The following GRIK2 variants were observed in gnomAD, a reference collection of about 807,000 sequenced individuals.
The protein encoded by GRIK2 is glutamate receptor ionotropic, kainate 2.
Under a neutral mutation model 100.3 loss-of-function variants are expected in GRIK2, and 32 were observed. That is an observed-to-expected ratio of 0.32 (90% CI 0.24 to 0.43). The LOEUF is 0.43. Among genes scored for constraint, GRIK2 ranks in the 20% least tolerant of loss-of-function variants. The probability of loss-of-function intolerance (pLI) is 1.00; values close to 1 mark genes in which losing one functional copy is unlikely to be tolerated. For missense variants in GRIK2, 843 were observed against 1,114.9 expected (o/e 0.76, Z 3.47); for synonymous variants, 417 against 389.4 (o/e 1.07, Z -0.83).
chr6:101,717,306 T>G (rs1295826980), intron 7 of GRIK2, among the ~76,000 whole-genome samples: 4 of 151,196 alleles, frequency 2.6e-5, no homozygotes, highest in Non-Finnish European at 5.9e-5. Context: ...CCTTTCATCT[T>G]TCATTCTTTC....
chr6:101,915,300 A>C (rs531829104), intron 12 of GRIK2, among the ~76,000 whole-genome samples: 1 of 151,574 alleles, frequency 6.6e-6, no homozygotes, highest in African/African-American at 2.4e-5. Flanking sequence ...AGAAATTGCC[A>C]TGCAGGTTAC....
intron 7 of GRIK2, among the ~76,000 whole-genome samples, chr6:101,794,055 C>A (rs555019144): frequency 2.8e-4 from 43 of 152,164 alleles, no homozygotes; most frequent in Non-Finnish European, 5.4e-4. Context: ...TTTCCTAAGC[C>A]CGTCAGAAAA....
At chr6:101,854,675 C>T (rs1419433434) in intron 10 of GRIK2, among the ~76,000 whole-genome samples, 4 of 151,994 alleles carry the variant, frequency 2.6e-5, no homozygotes, top group Non-Finnish European at 4.4e-5. Flanking sequence ...CCCCTAACAA[C>T]TTTAAATGTA....
At chr6:101,690,964 CT>C (rs1458519522) in intron 7 of GRIK2, among the ~76,000 whole-genome samples, 2 of 151,998 alleles carry the variant, frequency 1.3e-5, no homozygotes, top group Non-Finnish European at 2.9e-5. Flanking sequence ...AACTCTAGTG[CT>C]TTAGTTTCTT....
At chr6:101,928,231 T>G in intron 13 of GRIK2, 184 bp from the exon 14 acceptor site, 1 of 594,258 alleles carries the variant, frequency 1.7e-6, no homozygotes, top group East Asian at 2.8e-5. Context: ...CCTAAAAGAT[T>G]GTCTATTTTC....
chr6:101,802,236 G>T, intron 8 of GRIK2, 95 bp from the exon 9 acceptor site: 1 of 444,468 alleles, frequency 2.2e-6, no homozygotes, highest in East Asian at 3.4e-5. Flanking sequence ...AATGTAAACT[G>T]AAAAGTAATG....
chr6:101,660,107 C>T (rs966061206), intron 4 of GRIK2, among the ~76,000 whole-genome samples: 1 of 152,184 alleles, frequency 6.6e-6, no homozygotes, highest in African/African-American at 2.4e-5. Context: ...TTCAGACACA[C>T]TAATCAAACA....
intron 14 of GRIK2, among the ~76,000 whole-genome samples, chr6:101,999,142 G>T (rs918704385): frequency 2.0e-5 from 3 of 151,778 alleles, no homozygotes; most frequent in African/African-American, 7.3e-5. Flanking sequence ...TTGACTGTAG[G>T]TTTGTAATAA....
chr6:101,741,255 A>G (rs1307426434), intron 7 of GRIK2, among the ~76,000 whole-genome samples: 3 of 152,158 alleles, frequency 2.0e-5, no homozygotes, highest in African/African-American at 7.2e-5. Context: ...AGAACTACCA[A>G]ATATTCAATA....
chr6:101,883,636 A>T (rs1786418225), intron 11 of GRIK2, among the ~76,000 whole-genome samples: 1 of 152,130 alleles, frequency 6.6e-6, no homozygotes, highest in African/African-American at 2.4e-5. Flanking sequence ...TGTGATAACC[A>T]CTATGCTCTG....
At chr6:101,990,545 T>C (rs1794296501) in intron 14 of GRIK2, among the ~76,000 whole-genome samples, 1 of 151,646 alleles carries the variant, frequency 6.6e-6, no homozygotes, top group Non-Finnish European at 1.5e-5. Flanking sequence ...GGGCAGGAAA[T>C]GAAAACTTAG....
chr6:101,459,636 G>A (rs1771191004), intron 2 of GRIK2, among the ~76,000 whole-genome samples: 1 of 152,050 alleles, frequency 6.6e-6, no homozygotes, highest in Admixed American at 6.6e-5. Flanking sequence ...GGAAGTTCTA[G>A]GTTAACATTT....
Position 101,785,162 on chromosome 6 carries a change from T to A in GRIK2, c.952-14486T>A, listed in dbSNP as rs552080528. Among the ~76,000 whole-genome samples the A allele has an allele frequency of 3.2e-4, 48 of 152,248 alleles. 2 individuals carry two copies. The highest frequency in any genetic ancestry group is 3.4e-3 in the Middle Eastern group (1 of 294). On this transcript the variant is annotated intron_variant, in intron 7 of 16. Coordinates refer to ENST00000369134, the MANE Select transcript of GRIK2 (RefSeq NM_021956.5). Reference sequence around the variant, plus strand: ...AATGGGATTTTTTATTTATTTATTTTTTTTACTGTTGAGTTGTTTGAGCTT... The same window carrying A: ...AATGGGATTTTTTATTTATTTATTTATTTTACTGTTGAGTTGTTTGAGCTT...
chr6:101,721,377 A>G (rs1179024637), intron 7 of GRIK2, among the ~76,000 whole-genome samples: 2 of 151,944 alleles, frequency 1.3e-5, no homozygotes, highest in Non-Finnish European at 2.9e-5. Flanking sequence ...CAACATAGAG[A>G]GACTCTGTTC....
intron 16 of GRIK2, among the ~76,000 whole-genome samples, chr6:102,060,172 T>C (rs2782894): frequency 0.3 from 44,728 of 150,424 alleles, 6,739 homozygotes; most frequent in East Asian, 0.35. Flanking sequence ...TAGCTGTTTC[T>C]ATTATAGAAC....
At position 101,682,599 on chromosome 6, in the gene GRIK2, C is replaced by T. The variant is rs775132670; in HGVS notation, c.770C>T (p.Thr257Ile). Residue 257 changes from threonine (T) to isoleucine (I), a missense_variant, in exon 6 of 17, where the codon ACC becomes ATC. Transcript: ENST00000369134. ...ACAGAATACTATCATTATATCTTTA[C>T]CACTCTGGTAAGTACTTCATTAAAA... ...MMTEYYHYIF[T>I]TLDLFALDVE... is the part of the protein sequence containing the mutation. The T allele has an allele frequency of 1.6e-6, 2 of 1,277,172 alleles. No individual in the cohort carries two copies. Among genetic ancestry groups the T allele is most frequent in the South Asian group, 2.5e-5 (2 of 79,802 alleles). 79.1% of individuals were successfully genotyped at this position (1,277,172 alleles called of 1,614,324 possible). A position where few individuals can be genotyped will look rare whatever the true frequency, so the allele number is the denominator to read the frequency against.
At chr6:101,703,878 G>C (rs1164407951) in intron 7 of GRIK2, among the ~76,000 whole-genome samples, 1 of 151,564 alleles carries the variant, frequency 6.6e-6, no homozygotes, top group African/African-American at 2.4e-5. Context: ...ATGCAGGTGG[G>C]TGGATGAATT....
In GRIK2 at chr6:101,761,513, T is replaced by A. The variant is rs572297262; in HGVS notation, c.952-38135T>A. 7.2e-4 allele frequency among the ~76,000 whole-genome samples: 109 copies of A among 152,284 alleles called. 1 individual carries two copies. Among genetic ancestry groups the A allele is most frequent in the African/African-American group, 2.4e-3 (101 of 41,568 alleles). ...CATGATAGCACACATGCTCTATCTC[T>A]GTTGGCTATATTTTTAGCTTTCCCA... On this transcript the variant is annotated intron_variant, in intron 7 of 16. Transcript: ENST00000369134.
rs182950112 is a variant in GRIK2, at chr6:101,560,085, A to G, written c.116-61864A>G. Among the ~76,000 whole-genome samples the G allele has an allele frequency of 3.3e-5, 5 of 152,224 alleles. No homozygotes were observed. The East Asian group carries it at 7.7e-4, about 24-fold the overall frequency. On this transcript the variant is annotated intron_variant, in intron 2 of 16. Coordinates refer to ENST00000369134, the MANE Select transcript of GRIK2 (RefSeq NM_021956.5). ...TGTGATATTAAACAAATGGTTAGGA[A>G]TTAGTTTTTAGAGTAGAACTGTAGT... is the stretch of plus-strand genomic sequence containing the variant.
Sources: allele counts gnomAD v4.1 joint callset (sites outside exome capture counted in the v4.1 genomes callset), GRCh38; gene constraint gnomAD v4.1.1; transcripts MANE v1.5; gene names NCBI Gene and HGNC (gene_info 2026-07-23, HGNC 2026-07-21).